ANXA6: variants seen among roughly 807,000 people sequenced by gnomAD.
ANXA6 encodes the protein annexin A6.
A neutral mutation model predicts 95.4 loss-of-function variants in ANXA6; 71 were observed. That is an observed-to-expected ratio of 0.74 (90% CI 0.61 to 0.91). The LOEUF (loss-of-function observed/expected upper bound fraction) is 0.91, where lower values mean the gene tolerates loss of function less well. Among genes scored for constraint, ANXA6 ranks in the 40% least tolerant of loss-of-function variants. The pLI is 0.00. For missense variants in ANXA6, 830 were observed against 876.4 expected (o/e 0.95, Z 0.67); for synonymous variants, 289 against 315.9 (o/e 0.91, Z 0.90).
rs182250429 is a variant in ANXA6, at chr5:151,104,918, C to T, written c.1839+327G>A. ...TTTGGGGCTGGATAATTCTTTGTTG[C>T]GCAAGCTTATCCTTTGCACTGAGGT... On this transcript the variant is annotated intron_variant, in intron 24 of 25. Transcript: ENST00000354546. 1.9e-3 allele frequency among the ~76,000 whole-genome samples: 291 copies of T among 152,348 alleles called. 3 individuals carry two copies. Among genetic ancestry groups the T allele is most frequent in the Middle Eastern group, 0.014 (4 of 294 alleles).
chr5:151,123,069 T>A, intron 15 of ANXA6, 58 bp from the exon 16 acceptor site: 4 of 1,440,764 alleles, frequency 2.8e-6, no homozygotes, highest in Non-Finnish European at 3.9e-6. Context: ...GCTTTCCCCA[T>A]GCACCGCCCA....
chr5:151,103,700 A>G lies in ANXA6; in HGVS notation c.1840-8T>C. On this transcript the variant is annotated splice_region_variant and splice_polypyrimidine_tract_variant and intron_variant, in intron 24 of 25. Coordinates refer to ENST00000354546, the MANE Select transcript of ANXA6 (RefSeq NM_001155.5). ...CTCATCTGTGCCAGCACCCTGGTGG[A>G]GCCAGGCAGGAGGGAGACACAGGCG... is the stretch of plus-strand genomic sequence containing the variant. 1.9e-6 allele frequency: 3 copies of G among 1,606,450 alleles called. No individual in the cohort carries two copies. Among genetic ancestry groups the G allele is most frequent in the Non-Finnish European group, 2.5e-6 (3 of 1,176,540 alleles).
At chr5:151,155,136 G>A (rs1012449903) in intron 1 of ANXA6, 1 of 152,186 alleles carries the variant, frequency 6.6e-6, no homozygotes, top group Non-Finnish European at 1.5e-5. Flanking sequence ...GTTAAGGGCT[G>A]GAGTTTCCAT....
chr5:151,115,011 G>GGAAATTCATTCTAAT (rs1764958969), intron 20 of ANXA6, among the ~76,000 whole-genome samples: 1 of 152,090 alleles, frequency 6.6e-6, no homozygotes, highest in Non-Finnish European at 1.5e-5. Context: ...TTTCATCTCT[G>GGAAATTCATTCTAAT]GAAATTCATT....
intron 17 of ANXA6, among the ~76,000 whole-genome samples, chr5:151,121,905 G>A (rs1437241273): frequency 6.6e-6 from 1 of 152,216 alleles, no homozygotes; most frequent in Non-Finnish European, 1.5e-5. Flanking sequence ...AGGGAGGACA[G>A]CAGAGCCAAG....
At position 151,105,269 on chromosome 5, in the gene ANXA6, G is replaced by A. The variant is rs753156467; in HGVS notation, c.1815C>T (p.Ala605=). Reference sequence around the variant, plus strand: ...CCTTCATGGATTTGTAAAGTTTGTCGGCAAAGAAGAGAGGCTTGTTCTTGA... The same window carrying A: ...CCTTCATGGATTTGTAAAGTTTGTCAGCAAAGAAGAGAGGCTTGTTCTTGA... ...QSVKNKPLFF[A]DKLYKSMKGA... is the part of the protein sequence containing the mutation. The change falls in exon 24 of 26, where the codon GCC becomes GCT. Residue 605 remains alanine (A), a synonymous_variant. Coordinates refer to ENST00000354546, the MANE Select transcript of ANXA6 (RefSeq NM_001155.5). 1.3e-5 allele frequency: 21 copies of A among 1,613,768 alleles called. No individual in the cohort carries two copies. The highest frequency in any genetic ancestry group is 1.6e-4 in the Middle Eastern group (1 of 6,084).
chr5:151,107,849 CTGTG>C (rs1380093120), intron 23 of ANXA6, among the ~76,000 whole-genome samples: 4 of 152,010 alleles, frequency 2.6e-5, no homozygotes, highest in South Asian at 2.1e-4. Context: ...AGACGAGGGT[CTGTG>C]TGTGTGTCAT....
chr5:151,119,184 C>A (rs1765089959), intron 18 of ANXA6, 116 bp downstream of exon 18: 3 of 848,050 alleles, frequency 3.5e-6, no homozygotes, highest in Middle Eastern at 3.5e-4. Context: ...ATCAAATCCT[C>A]AAGGACTGAG....
At chr5:151,118,260 A>G (rs1581988157) in intron 18 of ANXA6, among the ~76,000 whole-genome samples, 1 of 134,554 alleles carries the variant, frequency 7.4e-6, no homozygotes, top group Non-Finnish European at 1.6e-5. Context: ...AAAAATGTAA[A>G]CTTTTTTTTT....
intron 2 of ANXA6, among the ~76,000 whole-genome samples, chr5:151,147,356 C>A (rs554643487): frequency 6.6e-6 from 1 of 152,340 alleles, no homozygotes; most frequent in South Asian, 2.1e-4. Context: ...CAGGTGGGAC[C>A]AACTCCACCT....
Position 151,119,288 on chromosome 5 carries a change from TC to T in ANXA6, c.1438+11del, listed in dbSNP as rs36096398. The T allele has an allele frequency of 3.1e-6, 5 of 1,610,988 alleles. No homozygotes were observed. Among genetic ancestry groups the T allele is most frequent in the African/African-American group, 1.3e-5 (1 of 74,854 alleles). ...TTCTCCCAGCATCTGGGCCCAGGCCTCCCAAACTCACCCTCCTTATAGGCCT... is the reference window on the plus strand; with the variant it reads ...TTCTCCCAGCATCTGGGCCCAGGCCTCCAAACTCACCCTCCTTATAGGCCT... On this transcript the variant is annotated intron_variant, in intron 18 of 25. Coordinates refer to ENST00000354546, the MANE Select transcript of ANXA6 (RefSeq NM_001155.5).
intron 12 of ANXA6, 54 bp from the exon 13 acceptor site, chr5:151,128,293 A>T (rs1000141413): frequency 1.3e-5 from 19 of 1,490,998 alleles, no homozygotes; most frequent in Non-Finnish European, 1.7e-5. Flanking sequence ...CTCCTCTCAG[A>T]CAAGGAGGTG....
chr5:151,125,852 A>C (rs1418996476), intron 14 of ANXA6, among the ~76,000 whole-genome samples: 1 of 152,148 alleles, frequency 6.6e-6, no homozygotes, highest in Non-Finnish European at 1.5e-5. Context: ...GGAGACATAG[A>C]GGCCCAGAGG....
chr5:151,101,927 C>G (rs1764562058), intron 25 of ANXA6, among the ~76,000 whole-genome samples: 1 of 152,256 alleles, frequency 6.6e-6, no homozygotes, highest in Non-Finnish European at 1.5e-5. Flanking sequence ...GCACAGTGAA[C>G]TCTGGCCTCC....
At chr5:151,117,012 A>G (rs1765017771) in intron 20 of ANXA6, 115 bp downstream of exon 20, 1 of 928,604 alleles carries the variant, frequency 1.1e-6, no homozygotes, top group Non-Finnish European at 1.6e-6. Flanking sequence ...CAAACCAACC[A>G]CGCCCCTGCC....
chr5:151,140,124 C>T, intron 3 of ANXA6, 29 bp downstream of exon 3: 3 of 1,609,746 alleles, frequency 1.9e-6, no homozygotes, highest in Non-Finnish European at 8.5e-7. Context: ...GGGGATACCC[C>T]TCAAGCTCCC....
At chr5:151,126,820 G>A (rs1167164468) in intron 13 of ANXA6, among the ~76,000 whole-genome samples, 2 of 152,126 alleles carry the variant, frequency 1.3e-5, no homozygotes, top group Admixed American at 6.5e-5. Context: ...AGGTTCAAGC[G>A]ATTCTCCTGC....
intron 8 of ANXA6, 152 bp from the exon 9 acceptor site, chr5:151,133,339 T>C: frequency 1.7e-6 from 1 of 600,434 alleles, no homozygotes. Context: ...ATGCATCATT[T>C]AATGATGGGG....
rs1254479705 is a variant in ANXA6, at chr5:151,138,756, G to C, written c.240C>G (p.Gly80=). 1.9e-6 allele frequency: 3 copies of C among 1,613,860 alleles called. No individual in the cohort carries two copies. The South Asian group carries it at 3.3e-5, about 18-fold the overall frequency. The change falls in exon 5 of 26, where the codon GGC becomes GGG. Residue 80 remains glycine, a synonymous_variant. Transcript: ENST00000354546. The part of the protein sequence containing the change: ...LIADLKYELT[G]KFERLIVGLM... ...GGCCCACAATCAACCGTTCAAACTT[G>C]CCCGTCAATTCATACTTTAAATCAG...
Sources: allele counts gnomAD v4.1 joint callset (sites outside exome capture counted in the v4.1 genomes callset), GRCh38; gene constraint gnomAD v4.1.1; transcripts MANE v1.5; gene names NCBI Gene and HGNC (gene_info 2026-07-23, HGNC 2026-07-21).